MACROH2A1: variants seen among roughly 807,000 people sequenced by gnomAD.
The protein encoded by MACROH2A1 is macroH2A.1 histone, also known as core histone macro-H2A.1.
In MACROH2A1, 2 loss-of-function variants were observed where a neutral mutation model predicts 31.6. The observed-to-expected ratio is 0.06, with a 90% CI of 0.03 to 0.20. The LOEUF (loss-of-function observed/expected upper bound fraction) is 0.20. MACROH2A1 is among the 10% of genes least tolerant of loss of function. The pLI is 1.00. For missense variants in MACROH2A1, 230 were observed against 474.0 expected, an observed-to-expected ratio of 0.49 and a Z score of 4.78; for synonymous variants, 169 against 189.6, an observed-to-expected ratio of 0.89 and a Z score of 0.89.
At chr5:135,336,894 T>C (rs1230123128) in intron 8 of MACROH2A1, among the ~76,000 whole-genome samples, 1 of 152,208 alleles carries the variant, frequency 6.6e-6, no homozygotes, top group African/African-American at 2.4e-5. Flanking sequence ...GGGGGGCATC[T>C]TTCCAGCAGC....
chr5:135,396,343 G>C (rs1431640842), intron 1 of MACROH2A1, among the ~76,000 whole-genome samples: 1 of 152,138 alleles, frequency 6.6e-6, no homozygotes, highest in Non-Finnish European at 1.5e-5. Flanking sequence ...AGAATAAAAA[G>C]AACACCTGAT....
intron 5 of MACROH2A1, chr5:135,355,095 A>G (rs2149785277): frequency 2.2e-6 from 1 of 456,036 alleles, no homozygotes; most frequent in East Asian, 6.9e-5. Flanking sequence ...AAAAGAAGCT[A>G]TTTTGGCGGG....
In MACROH2A1 at chr5:135,345,527, C is replaced by T. The variant is rs139361224; in HGVS notation, c.778+441G>A. The T allele has an allele frequency of 2.0e-4, 32 of 160,424 alleles. No individual in the cohort carries two copies. In the East Asian group the frequency reaches 4.1e-3, roughly 21 times the overall value. 9.9% of individuals were successfully genotyped at this position (160,424 alleles called of 1,614,324 possible). A position where few individuals can be genotyped will look rare whatever the true frequency, so the allele number is the denominator to read the frequency against. On this transcript the variant is annotated intron_variant, in intron 7 of 8. Coordinates refer to ENST00000511689, the MANE Select transcript of MACROH2A1 (RefSeq NM_138610.3). ...ATTCTCCCCACATCAGATGCCAAGT[C>T]GTTTTCTTCCCCTTATACCAGGGAA...
chr5:135,343,009 C>A, intron 8 of MACROH2A1: 1 of 742,966 alleles, frequency 1.3e-6, no homozygotes, highest in Non-Finnish European at 2.1e-6. Context: ...TCCCAGTACA[C>A]ACTGGGTTCC....
At chr5:135,373,070 C>A (rs1033444354) in intron 2 of MACROH2A1, among the ~76,000 whole-genome samples, 1 of 152,212 alleles carries the variant, frequency 6.6e-6, no homozygotes, top group African/African-American at 2.4e-5. Flanking sequence ...TTGCTAAGTC[C>A]TAAGCCCAAC....
At chr5:135,350,785 T>TGCA (rs770562101) in intron 6 of MACROH2A1, 1 of 1,280,034 alleles carries the variant, frequency 7.8e-7, no homozygotes, top group South Asian at 1.2e-5. Flanking sequence ...CGACTGACCA[T>TGCA]GCACACACAC....
chr5:135,348,387 GTATCAGTGTTC>G (rs1356718535), intron 6 of MACROH2A1, among the ~76,000 whole-genome samples: 2 of 152,380 alleles, frequency 1.3e-5, no homozygotes, highest in Admixed American at 1.3e-4. Flanking sequence ...GCAGGCATAA[GTATCAGTGTTC>G]AAAACAGCCT....
At chr5:135,392,976 T>G (rs1171723504) in intron 1 of MACROH2A1, among the ~76,000 whole-genome samples, 2 of 152,170 alleles carry the variant, frequency 1.3e-5, no homozygotes, top group Non-Finnish European at 2.9e-5. Flanking sequence ...ACAAAAACAA[T>G]AATGTGAATA....
At chr5:135,349,608 G>A (rs1404630469) in intron 6 of MACROH2A1, among the ~76,000 whole-genome samples, 1 of 152,100 alleles carries the variant, frequency 6.6e-6, no homozygotes, top group African/African-American at 2.4e-5. Flanking sequence ...GAGATTGTGA[G>A]CTACTGCACA....
chr5:135,340,523 C>T lies in MACROH2A1; in HGVS notation c.953+2737G>A, dbSNP rs545371156. ...AGGGAGTGGGGGTATCCATAAATATCGTGACCAGAATGGCTGAGGACAGGA... is the reference window on the plus strand; with the variant it reads ...AGGGAGTGGGGGTATCCATAAATATTGTGACCAGAATGGCTGAGGACAGGA... On this transcript the variant is annotated intron_variant, in intron 8 of 8. Coordinates refer to ENST00000511689, the MANE Select transcript of MACROH2A1 (RefSeq NM_138610.3). 2.8e-4 allele frequency among the ~76,000 whole-genome samples: 42 copies of T among 152,264 alleles called. 1 individual carries two copies. The highest frequency in any genetic ancestry group is 1.0e-3 in the African/African-American group (42 of 41,556).
At position 135,359,144 on chromosome 5, in the gene MACROH2A1, G is replaced by A. The variant is rs182226749; in HGVS notation, c.588+1353C>T. 6.2e-4 allele frequency: 608 copies of A among 984,158 alleles called. 2 individuals are homozygous for A. The African/African-American group carries it at 9.6e-3, about 16-fold the overall frequency. 61.0% of individuals were successfully genotyped at this position (984,158 alleles called of 1,614,324 possible). ...CTGATCTGAGGCTGCCTTTGGAGTGGCTGGCAGGAGGTAACAAGAACATAG... is the reference window on the plus strand; with the variant it reads ...CTGATCTGAGGCTGCCTTTGGAGTGACTGGCAGGAGGTAACAAGAACATAG... On this transcript the variant is annotated intron_variant, in intron 5 of 8. Coordinates refer to ENST00000511689, the MANE Select transcript of MACROH2A1 (RefSeq NM_138610.3).
intron 8 of MACROH2A1, 22 bp downstream of exon 8, chr5:135,343,238 C>A (rs373030767): frequency 4.3e-5 from 70 of 1,613,144 alleles, no homozygotes; most frequent in Non-Finnish European, 2.7e-5. Context: ...ATGACCGATA[C>A]GTAACAAGCA....
At chr5:135,336,606 C>T (rs993951487) in intron 8 of MACROH2A1, among the ~76,000 whole-genome samples, 6 of 151,864 alleles carry the variant, frequency 4.0e-5, no homozygotes, top group African/African-American at 1.2e-4. Context: ...GTTAGACCTG[C>T]GCAGCTTCCT....
chr5:135,391,451 G>C (rs1767225523), intron 1 of MACROH2A1, among the ~76,000 whole-genome samples: 1 of 152,210 alleles, frequency 6.6e-6, no homozygotes, highest in Admixed American at 6.5e-5. Flanking sequence ...GGATCCGTTA[G>C]CACTCAGAGA....
intron 5 of MACROH2A1, chr5:135,353,851 T>C (rs1243046638): frequency 6.6e-6 from 1 of 152,228 alleles, no homozygotes; most frequent in Admixed American, 6.5e-5. Flanking sequence ...TCTGTTACAA[T>C]GGCAACCCTG....
In MACROH2A1 at chr5:135,388,909, G is replaced by A. The variant is rs373449993; in HGVS notation, c.172+13C>T. On this transcript the variant is annotated intron_variant, in intron 2 of 8. Coordinates refer to ENST00000511689, the MANE Select transcript of MACROH2A1 (RefSeq NM_138610.3). Reference sequence around the variant, plus strand: ...TAAGCCAGTGGTGTCTGGGTTGACTGAGGTACACTCACCTGTCAGGTATTC... The same window carrying A: ...TAAGCCAGTGGTGTCTGGGTTGACTAAGGTACACTCACCTGTCAGGTATTC... 118 of 1,589,582 alleles carry A rather than the reference G, an allele frequency of 7.4e-5. No homozygotes were observed. The highest frequency in any genetic ancestry group is 9.9e-5 in the Non-Finnish European group (115 of 1,160,730).
chr5:135,350,120 T>A (rs1004319124), intron 6 of MACROH2A1, among the ~76,000 whole-genome samples: 1 of 152,198 alleles, frequency 6.6e-6, no homozygotes, highest in Non-Finnish European at 1.5e-5. Context: ...TCAAGTGCCC[T>A]CTTTCTTGGC....
intron 8 of MACROH2A1, 73 bp from the exon 9 acceptor site, chr5:135,335,214 C>A: frequency 9.1e-7 from 1 of 1,102,438 alleles, no homozygotes; most frequent in Non-Finnish European, 1.4e-6. Context: ...ACCTTACAGG[C>A]CACCTCCCTC....
chr5:135,395,681 T>C (rs1004658322), intron 1 of MACROH2A1, among the ~76,000 whole-genome samples: 7 of 152,356 alleles, frequency 4.6e-5, no homozygotes, highest in Middle Eastern at 3.4e-3. Flanking sequence ...GGCATGTGGA[T>C]ATACTAGACA....
Sources: gnomAD v4.1 joint callset for allele counts (sites outside exome capture counted in the v4.1 genomes callset) on GRCh38, gnomAD v4.1.1 for gene constraint, MANE v1.5 for transcripts, NCBI Gene and HGNC (gene_info 2026-07-23, HGNC 2026-07-21) for gene names.